The following NIBAN1 variants were observed in gnomAD, a reference collection of about 807,000 sequenced individuals.
NIBAN1 encodes the protein protein Niban 1.
Under a neutral mutation model 75.1 loss-of-function variants are expected in NIBAN1, and 81 were observed. The observed-to-expected ratio is 1.08, with a 90% confidence interval of 0.90 to 1.30. The LOEUF (loss-of-function observed/expected upper bound fraction) is 1.30. NIBAN1 is among the 50% of genes most tolerant of loss of function. NIBAN1 has a pLI of 0.00. For missense variants in NIBAN1, 1,133 were observed against 1,128.1 expected (o/e 1.00, Z -0.06); for synonymous variants, 436 against 424.8 (o/e 1.03, Z -0.32).
intron 1 of NIBAN1, among the ~76,000 whole-genome samples, chr1:184,930,997 C>CTTTTTTTTTTTTT (rs200932673): frequency 5.2e-5 from 6 of 114,554 alleles, no homozygotes; most frequent in Non-Finnish European, 8.3e-5. Context: ...TTTTCTTCTT[C>CTTTTTTTTTTTTT]TTTTTTTTTT....
At chr1:184,952,190 A>G (rs1470556579) in intron 1 of NIBAN1, among the ~76,000 whole-genome samples, 1 of 152,206 alleles carries the variant, frequency 6.6e-6, no homozygotes, top group Non-Finnish European at 1.5e-5. Context: ...GCTTGAGTCC[A>G]AGAGTTTAAG....
rs1292481369 is a variant in NIBAN1 at position 184,792,089 on chromosome 1, T to G, written c.*2888A>C. The G allele has an allele frequency of 6.6e-6, 1 of 152,066 alleles. No individual in the cohort carries two copies. The highest frequency in any genetic ancestry group is 1.5e-5 in the Non-Finnish European group (1 of 68,034). The allele number at this position is 152,066 out of a possible 1,614,324, so 9.4% of individuals were successfully genotyped here. A position where few individuals can be genotyped will look rare whatever the true frequency, so the allele number is the denominator to read the frequency against. ...CTCCTGCCTCAACCACCCAAGTAGCTAGGACTGCAGGCACACACCATTATT... is the reference window on the plus strand; with the variant it reads ...CTCCTGCCTCAACCACCCAAGTAGCGAGGACTGCAGGCACACACCATTATT... On this transcript the variant is annotated 3_prime_UTR_variant, in exon 14 of 14. Transcript: ENST00000367511.
intron 1 of NIBAN1, among the ~76,000 whole-genome samples, chr1:184,969,595 C>G (rs372983253): frequency 6.6e-6 from 1 of 152,138 alleles, no homozygotes; most frequent in Non-Finnish European, 1.5e-5. Flanking sequence ...GGAGACCACA[C>G]CACCACAACA....
intron 1 of NIBAN1, among the ~76,000 whole-genome samples, chr1:184,918,009 T>C (rs988904576): frequency 2.0e-5 from 3 of 152,220 alleles, no homozygotes; most frequent in Non-Finnish European, 2.9e-5. Flanking sequence ...CCTACATGTG[T>C]GTTTGCTGTC....
chr1:184,863,970 T>G (rs1198026354), intron 5 of NIBAN1, among the ~76,000 whole-genome samples: 1 of 152,240 alleles, frequency 6.6e-6, no homozygotes, highest in Non-Finnish European at 1.5e-5. Flanking sequence ...GTGTATTACC[T>G]GGCATTCAAT....
At position 184,791,131 on chromosome 1, in the gene NIBAN1, A is replaced by C; in HGVS notation, c.*3846T>G. On this transcript the variant is annotated 3_prime_UTR_variant, in exon 14 of 14. Transcript: ENST00000367511. ...ATTTGCTTTATATAGTGACCGGGAA[A>C]GTCAATCCACAGTGTCGATTTTTTT... 1 of 447,300 alleles carries C rather than the reference A, an allele frequency of 2.2e-6. No individual in the cohort carries two copies. Among genetic ancestry groups the C allele is most frequent in the Non-Finnish European group, 4.6e-6 (1 of 218,868 alleles). The allele number at this position is 447,300 out of a possible 1,614,324, so 27.7% of individuals were successfully genotyped here. A position where few individuals can be genotyped will look rare whatever the true frequency, so the allele number is the denominator to read the frequency against.
chr1:184,813,738 T>C (rs1654447784), intron 9 of NIBAN1, among the ~76,000 whole-genome samples: 1 of 152,238 alleles, frequency 6.6e-6, no homozygotes, highest in Admixed American at 6.5e-5. Context: ...TTGTATAATT[T>C]GAAGGTGCTT....
At chr1:184,800,462 A>T (rs1654006902) in intron 12 of NIBAN1, among the ~76,000 whole-genome samples, 1 of 151,910 alleles carries the variant, frequency 6.6e-6, no homozygotes, top group Middle Eastern at 3.4e-3. Context: ...CTGAATGGTA[A>T]TGCCTAGGTT....
intron 5 of NIBAN1, chr1:184,868,035 C>CCAT: frequency 4.1e-6 from 4 of 985,438 alleles, no homozygotes; most frequent in Non-Finnish European, 4.8e-6. Context: ...ATTGCATGAG[C>CCAT]CATGCCCTGA....
In NIBAN1 at chr1:184,800,036, C is replaced by T. The variant is rs147755402; in HGVS notation, c.1555-1846G>A. ...CTGGGATTACAGGCGTGAGCCACCG[C>T]GCCCGGCCATGATTGCCATTCTAAC... On this transcript the variant is annotated intron_variant, in intron 12 of 13. Transcript: ENST00000367511. Among the ~76,000 whole-genome samples, 556 of 102,254 alleles carry T rather than the reference C, an allele frequency of 5.4e-3. 202 individuals are homozygous for T. The East Asian group carries it at 0.18, about 32-fold the overall frequency. 67.1% of individuals were successfully genotyped at this position (102,254 alleles called of 152,430 possible).
intron 12 of NIBAN1, among the ~76,000 whole-genome samples, chr1:184,798,831 T>C (rs1015027586): frequency 1.3e-5 from 2 of 152,102 alleles, no homozygotes; most frequent in African/African-American, 2.4e-5. Flanking sequence ...TTTTGCTTGT[T>C]CTTGAACTTT....
At chr1:184,934,395 A>G (rs1408031243) in intron 1 of NIBAN1, among the ~76,000 whole-genome samples, 1 of 152,224 alleles carries the variant, frequency 6.6e-6, no homozygotes, top group Non-Finnish European at 1.5e-5. Context: ...GATGGGATCA[A>G]TTGTACCCCA....
At chr1:184,927,231 T>C (rs1657705894) in intron 1 of NIBAN1, among the ~76,000 whole-genome samples, 1 of 152,180 alleles carries the variant, frequency 6.6e-6, no homozygotes, top group African/African-American at 2.4e-5. Flanking sequence ...TTCATCAGTG[T>C]CTGGGCATTG....
chr1:184,974,393 C>G lies in NIBAN1; in HGVS notation c.-37G>C, dbSNP rs533288684. The G allele has an allele frequency of 4.5e-6, 7 of 1,539,802 alleles. No homozygotes were observed. Among genetic ancestry groups the G allele is most frequent in the East Asian group, 2.5e-5 (1 of 40,784 alleles). On this transcript the variant is annotated 5_prime_UTR_variant, in exon 1 of 14. Transcript: ENST00000367511. The stretch of plus-strand genomic sequence containing the variant: ...GCCTGTGCTGAGCGCGGAAACTGCC[C>G]GGTCCGCGCCCGCTGCTAGCTCCTG...
chr1:184,867,252 C>A (rs994190646), intron 5 of NIBAN1, among the ~76,000 whole-genome samples: 1 of 151,886 alleles, frequency 6.6e-6, no homozygotes, highest in Middle Eastern at 3.2e-3. Flanking sequence ...ATTCACTTAA[C>A]GAATAGCCTT....
intron 1 of NIBAN1, among the ~76,000 whole-genome samples, chr1:184,915,708 A>G (rs1657367968): frequency 6.6e-6 from 1 of 152,260 alleles, no homozygotes; most frequent in South Asian, 2.1e-4. Context: ...GTAAGAGAGA[A>G]CAACTAATGT....
At chr1:184,963,148 G>C (rs1387401801) in intron 1 of NIBAN1, among the ~76,000 whole-genome samples, 1 of 151,784 alleles carries the variant, frequency 6.6e-6, no homozygotes, top group Non-Finnish European at 1.5e-5. Context: ...ACCAAGTAGG[G>C]TATATCTTAG....
intron 6 of NIBAN1, among the ~76,000 whole-genome samples, chr1:184,825,152 T>A (rs997554362): frequency 1.3e-5 from 2 of 152,196 alleles, no homozygotes; most frequent in African/African-American, 4.8e-5. Flanking sequence ...TCCAGACTGA[T>A]GATTCTGCCA....
At chr1:184,807,380 T>C (rs1417716999) in intron 10 of NIBAN1, among the ~76,000 whole-genome samples, 1 of 151,954 alleles carries the variant, frequency 6.6e-6, no homozygotes, top group African/African-American at 2.4e-5. Context: ...GAAGCTGTGA[T>C]TGATTGATTG....
Sources: gnomAD v4.1 joint callset for allele counts (sites outside exome capture counted in the v4.1 genomes callset) on GRCh38, gnomAD v4.1.1 for gene constraint, MANE v1.5 for transcripts, NCBI Gene and HGNC (gene_info 2026-07-23, HGNC 2026-07-21) for gene names.